Variants in CLSTN2 observed in about 807,000 individuals in gnomAD.
CLSTN2 encodes the protein calsyntenin-2.
In CLSTN2, 48 loss-of-function variants were observed where a neutral mutation model predicts 101.2. The observed-to-expected ratio is 0.47, with a 90% CI of 0.38 to 0.60. The LOEUF (loss-of-function observed/expected upper bound fraction) is 0.60. Ranked by LOEUF, CLSTN2 falls within the 20% of genes least tolerant of loss-of-function variation. The pLI, the probability that CLSTN2 is intolerant of heterozygous loss-of-function variation, is 0.00. For synonymous variants in CLSTN2, 481 were observed against 463.6 expected (o/e 1.04, Z -0.48); for missense variants, 1,160 against 1,238.2 (o/e 0.94, Z 0.95).
At chr3:140,340,687 G>A (rs763102368) in intron 2 of CLSTN2, among the ~76,000 whole-genome samples, 9 of 152,128 alleles carry the variant, frequency 5.9e-5, no homozygotes, top group African/African-American at 1.4e-4. Context: ...ATATTTATAC[G>A]TTATTGATAG....
rs757739003 is a variant in CLSTN2 at position 140,556,633 on chromosome 3, C to T, written c.1795C>T (p.Arg599Trp). The stretch of plus-strand genomic sequence containing the variant: ...CAGGCAGTTCCCAACGGCGGGTGTG[C>T]GGCGCCTCAAAGTATCCTCCAAAGT... ...NSRQFPTAGV[R>W]RLKVSSKVQC... The change falls in exon 11 of 17, where the codon CGG becomes TGG. Residue 599 changes from arginine to tryptophan, a missense_variant. Transcript: ENST00000458420. 9.3e-6 allele frequency: 15 copies of T among 1,613,854 alleles called. No homozygotes were observed. The highest frequency in any genetic ancestry group is 1.7e-5 in the Admixed American group (1 of 60,020).
intron 2 of CLSTN2, among the ~76,000 whole-genome samples, chr3:140,240,528 C>T (rs2086458077): frequency 6.6e-6 from 1 of 151,812 alleles, no homozygotes; most frequent in African/African-American, 2.4e-5. Context: ...GGGATGATGA[C>T]CATGTGATAA....
At position 140,534,653 on chromosome 3, in the gene CLSTN2, C is replaced by T. The variant is rs144854484; in HGVS notation, c.1507+2167C>T. Among the ~76,000 whole-genome samples, 1,362 of 152,296 alleles carry T rather than the reference C, an allele frequency of 8.9e-3. 13 individuals are homozygous for T. The highest frequency in any genetic ancestry group is 0.015 in the Admixed American group (231 of 15,308). ...GTAGCAAGAGGAAAAGAAAACATGG[C>T]AAATCGTGCACAAACTCTTAAAACT... On this transcript the variant is annotated intron_variant, in intron 9 of 16. Transcript: ENST00000458420.
chr3:140,506,057 G>A (rs146761386), intron 8 of CLSTN2: 1 of 152,240 alleles, frequency 6.6e-6, no homozygotes, highest in African/African-American at 2.4e-5. Context: ...CAGAAAAACT[G>A]GCCTCATAAT....
chr3:140,516,979 T>G (rs1934930573), intron 8 of CLSTN2, among the ~76,000 whole-genome samples: 1 of 152,204 alleles, frequency 6.6e-6, no homozygotes, highest in East Asian at 1.9e-4. Context: ...AATCTTAGGT[T>G]TTGTCATTTA....
chr3:140,233,388 C>CT (rs2086388309), intron 2 of CLSTN2, among the ~76,000 whole-genome samples: 1 of 152,196 alleles, frequency 6.6e-6, no homozygotes, highest in South Asian at 2.1e-4. Flanking sequence ...CAAGCTCATG[C>CT]AGCACCCCAT....
intron 2 of CLSTN2, among the ~76,000 whole-genome samples, chr3:140,370,127 G>C (rs577324415): frequency 6.6e-5 from 10 of 152,318 alleles, no homozygotes; most frequent in African/African-American, 2.2e-4. Flanking sequence ...GGGTGGTCCA[G>C]AGCAGGGCCT....
At chr3:140,393,316 A>G (rs1436980551) in intron 2 of CLSTN2, among the ~76,000 whole-genome samples, 3 of 152,226 alleles carry the variant, frequency 2.0e-5, no homozygotes, top group African/African-American at 4.8e-5. Context: ...GATTTGCACC[A>G]ATTCTATGTG....
At chr3:140,365,941 C>A (rs1291033633) in intron 2 of CLSTN2, among the ~76,000 whole-genome samples, 1 of 152,188 alleles carries the variant, frequency 6.6e-6, no homozygotes, top group Non-Finnish European at 1.5e-5. Context: ...TCCTGGGGGA[C>A]CACGCTCCAG....
chr3:140,069,923 C>G (rs148637890), intron 1 of CLSTN2, among the ~76,000 whole-genome samples: 17 of 152,276 alleles, frequency 1.1e-4, no homozygotes, highest in African/African-American at 4.1e-4. Flanking sequence ...GACACCTCAG[C>G]ATGAAAGTTA....
intron 9 of CLSTN2, among the ~76,000 whole-genome samples, chr3:140,539,480 A>G (rs1161889337): frequency 6.6e-6 from 1 of 152,218 alleles, no homozygotes; most frequent in African/African-American, 2.4e-5. Flanking sequence ...CTTTGTATCA[A>G]TTTTGAAGAT....
chr3:140,384,553 G>A (rs72981064), intron 2 of CLSTN2, among the ~76,000 whole-genome samples: 8,879 of 152,130 alleles, frequency 0.058, 704 homozygotes, highest in African/African-American at 0.18. Context: ...AGGTGCCCAG[G>A]GGTCGCCTGG....
intron 9 of CLSTN2, 87 bp from the exon 10 acceptor site, chr3:140,546,428 G>A (rs1000728052): frequency 2.4e-5 from 33 of 1,390,320 alleles, no homozygotes; most frequent in Admixed American, 9.8e-5. Context: ...CAATCAAGGC[G>A]TCTTTGGCTG....
chr3:140,160,591 A>G (rs2010029384), intron 1 of CLSTN2, among the ~76,000 whole-genome samples: 1 of 151,474 alleles, frequency 6.6e-6, no homozygotes, highest in Non-Finnish European at 1.5e-5. Context: ...CTGTCTGCCG[A>G]TTTCTTTTAT....
chr3:139,959,899 T>A (rs931457129), intron 1 of CLSTN2, among the ~76,000 whole-genome samples: 3 of 152,030 alleles, frequency 2.0e-5, no homozygotes, highest in African/African-American at 7.2e-5. Context: ...TGTCTTTGAC[T>A]GAGCTAACCT....
chr3:140,275,597 A>G (rs1225468944), intron 2 of CLSTN2, among the ~76,000 whole-genome samples: 3 of 152,080 alleles, frequency 2.0e-5, no homozygotes, highest in Non-Finnish European at 4.4e-5. Flanking sequence ...TCACATTTAC[A>G]AGAACCTGCA....
intron 2 of CLSTN2, among the ~76,000 whole-genome samples, chr3:140,189,404 C>T (rs1473065999): frequency 6.6e-6 from 1 of 152,138 alleles, no homozygotes; most frequent in Non-Finnish European, 1.5e-5. Flanking sequence ...GCATCCACAC[C>T]AGCATTTGAT....
chr3:140,478,381 C>G (rs536450838), intron 8 of CLSTN2, among the ~76,000 whole-genome samples: 1 of 149,462 alleles, frequency 6.7e-6, no homozygotes, highest in Non-Finnish European at 1.5e-5. Flanking sequence ...ATAGTCTGTA[C>G]GTGTCCATGT....
intron 2 of CLSTN2, among the ~76,000 whole-genome samples, chr3:140,239,836 G>GA (rs1019870888): frequency 1.6e-4 from 24 of 151,336 alleles, no homozygotes; most frequent in Admixed American, 5.9e-4. Context: ...GATAAAATAT[G>GA]AAAAAATATA....
Sources: allele counts gnomAD v4.1 joint callset (sites outside exome capture counted in the v4.1 genomes callset), GRCh38; gene constraint gnomAD v4.1.1; transcripts MANE v1.5; gene names NCBI Gene and HGNC (gene_info 2026-07-23, HGNC 2026-07-21).